The following FBN2 variants were observed in gnomAD, a reference collection of about 807,000 sequenced individuals.
The protein encoded by FBN2 is fibrillin 2.
A neutral mutation model predicts 355.6 loss-of-function variants in FBN2; 105 were observed. That is an observed-to-expected ratio of 0.30 (90% CI 0.25 to 0.35). The LOEUF is 0.35. FBN2 is among the 10% of genes least tolerant of loss of function. FBN2 has a pLI of 1.00. For synonymous variants in FBN2, 1,350 were observed against 1,301.2 expected, an observed-to-expected ratio of 1.04 and a Z score of -0.81; for missense variants, 3,280 against 3,758.7, an observed-to-expected ratio of 0.87 and a Z score of 3.33.
chr5:128,314,343 T>G (rs1750143132), intron 36 of FBN2, among the ~76,000 whole-genome samples: 1 of 152,208 alleles, frequency 6.6e-6, no homozygotes, highest in African/African-American at 2.4e-5. Context: ...ATTTATTTTT[T>G]GGGGACGGAG....
intron 5 of FBN2, among the ~76,000 whole-genome samples, chr5:128,466,458 T>C (rs1754712781): frequency 1.3e-5 from 2 of 152,202 alleles, no homozygotes; most frequent in Admixed American, 6.5e-5. Context: ...AAACTGTTTC[T>C]AGGAAAATCA....
intron 5 of FBN2, among the ~76,000 whole-genome samples, chr5:128,483,257 C>T (rs758748416): frequency 6.6e-6 from 1 of 152,150 alleles, no homozygotes; most frequent in Non-Finnish European, 1.5e-5. Context: ...ACCTCAGCAT[C>T]TTGCAATATA....
At position 128,393,264 on chromosome 5, in the gene FBN2, C is replaced by T. The variant is rs1173562709; in HGVS notation, c.1336G>A (p.Gly446Ser). 2 of 1,614,200 alleles carry T rather than the reference C, an allele frequency of 1.2e-6. No individual in the cohort carries two copies. The highest frequency in any genetic ancestry group is 3.3e-5 in the Admixed American group (2 of 60,034). Residue 446 changes from glycine to serine, a missense_variant, in exon 10 of 65, where the codon GGC becomes AGC. This residue lies in a region of FBN2 where 343 missense variants were observed against 331.0 expected (regional missense o/e 1.04). Coordinates refer to ENST00000262464, the MANE Select transcript of FBN2 (RefSeq NM_001999.4). ...CCTGGGCCATAGCCATTGCCATTGC[C>T]ACTTGGGGCAAAGCCATTTCCCCCA... is the stretch of plus-strand genomic sequence containing the variant. The part of the protein sequence containing the change: ...GTGGNGFAPS[G>S]NGNGYGPGGT...
intron 5 of FBN2, among the ~76,000 whole-genome samples, chr5:128,496,700 G>A (rs1316892311): frequency 3.3e-5 from 5 of 151,990 alleles, no homozygotes; most frequent in African/African-American, 1.2e-4. Flanking sequence ...GTTGGAATGA[G>A]AGAAGTAAAA....
chr5:128,375,730 G>A (rs1016606013), intron 14 of FBN2, among the ~76,000 whole-genome samples: 11 of 152,016 alleles, frequency 7.2e-5, no homozygotes, highest in African/African-American at 2.7e-4. Flanking sequence ...TCTTAAGGAA[G>A]GAAACAAAGA....
rs979641668 is a variant in FBN2, at chr5:128,448,409, C to T, written c.827-1803G>A. On this transcript the variant is annotated intron_variant, in intron 6 of 64. Transcript: ENST00000262464. ...GAAACCTCCACCTCCCAGGTTCAAG[C>T]GATTCTCCTGCCTCAGCCTTCCTGA... Among the ~76,000 whole-genome samples the T allele has an allele frequency of 2.0e-4, 30 of 151,976 alleles. 1 individual carries two copies. Among genetic ancestry groups the T allele is most frequent in the Admixed American group, 9.8e-4 (15 of 15,252 alleles).
rs1756365924 is a variant in FBN2, at chr5:128,519,253, A to C, written c.628+20T>G. On this transcript the variant is annotated intron_variant, in intron 5 of 64. Coordinates refer to ENST00000262464, the MANE Select transcript of FBN2 (RefSeq NM_001999.4). ...TAAAATAGACTTCTTCAGAAAGTAA[A>C]GTCTCATTTCTCTTCTTACCTCTTT... 3 of 1,539,490 alleles carry C rather than the reference A, an allele frequency of 1.9e-6. No individual in the cohort carries two copies. Among genetic ancestry groups the C allele is most frequent in the Non-Finnish European group, 2.7e-6 (3 of 1,112,056 alleles).
intron 36 of FBN2, among the ~76,000 whole-genome samples, chr5:128,314,180 A>G (rs1750138366): frequency 1.3e-5 from 2 of 152,168 alleles, no homozygotes; most frequent in African/African-American, 4.8e-5. Context: ...CTGGCTGCAT[A>G]TTAGAATCAT....
chr5:128,400,453 G>A (rs749027955), intron 8 of FBN2, among the ~76,000 whole-genome samples: 1 of 152,030 alleles, frequency 6.6e-6, no homozygotes, highest in Admixed American at 6.5e-5. Context: ...GACTTTTTCA[G>A]TAATAGATAT....
chr5:128,378,982 G>T, intron 11 of FBN2, 92 bp from the exon 12 acceptor site: 1 of 1,397,500 alleles, frequency 7.2e-7, no homozygotes, highest in Non-Finnish European at 1.0e-6. Context: ...TTTGAGAGAA[G>T]GCCAGTCAGT....
intron 6 of FBN2, among the ~76,000 whole-genome samples, chr5:128,456,609 T>C (rs182138810): frequency 1.6e-3 from 247 of 152,168 alleles, no homozygotes; most frequent in African/African-American, 5.7e-3. Context: ...TGCGGCTCTC[T>C]AGTCTCCTTG....
At chr5:128,508,330 C>A (rs956893718) in intron 5 of FBN2, among the ~76,000 whole-genome samples, 2 of 151,930 alleles carry the variant, frequency 1.3e-5, no homozygotes, top group African/African-American at 4.8e-5. Flanking sequence ...ATCCATTAAT[C>A]ATTTGTTCTT....
intron 2 of FBN2, among the ~76,000 whole-genome samples, chr5:128,535,249 C>G (rs1016544153): frequency 7.2e-5 from 11 of 152,300 alleles, no homozygotes; most frequent in Admixed American, 6.5e-4. Flanking sequence ...AGAAATTAGT[C>G]TTTATGACAC....
In FBN2 at chr5:128,362,710, G is replaced by A. The variant is rs1011271966; in HGVS notation, c.2429-862C>T. ...GAACTTCTGGCCTCAGGTGATTCTC[G>A]CAGCTTGGTCTCCCAAAGTGCTGGG... is the stretch of plus-strand genomic sequence containing the variant. On this transcript the variant is annotated intron_variant, in intron 18 of 64. Coordinates refer to ENST00000262464, the MANE Select transcript of FBN2 (RefSeq NM_001999.4). 6.6e-5 allele frequency among the ~76,000 whole-genome samples: 10 copies of A among 152,218 alleles called. No individual in the cohort carries two copies. In the East Asian group the frequency reaches 9.7e-4, roughly 15 times the overall value.
chr5:128,371,456 C>CTCCT (rs58112302), intron 15 of FBN2, among the ~76,000 whole-genome samples: 437 of 147,114 alleles, frequency 3.0e-3, no homozygotes, highest in East Asian at 7.4e-3. Context: ...TTCTCTTTTT[C>CTCCT]TCCTTCCTTC....
chr5:128,338,759 C>T (rs1014984558), intron 26 of FBN2, among the ~76,000 whole-genome samples, 174 bp downstream of exon 26: 17 of 152,296 alleles, frequency 1.1e-4, no homozygotes, highest in Admixed American at 9.8e-4. Context: ...TGGGGCTCCC[C>T]GAGAGCTATC....
At chr5:128,312,598 GT>G in intron 37 of FBN2, 35 bp downstream of exon 37, 1 of 1,611,356 alleles carries the variant, frequency 6.2e-7, no homozygotes, top group Non-Finnish European at 8.5e-7. Context: ...TTAGATACCA[GT>G]TGGTTTTCTT....
At position 128,374,731 on chromosome 5, in the gene FBN2, G is replaced by A. The variant is rs781368120; in HGVS notation, c.1992C>T (p.Thr664=). Residue 664 remains threonine, a synonymous_variant, in exon 15 of 65, where the codon ACC becomes ACT. Transcript: ENST00000262464. ...RYCTDVDECQ[T]PGICMNGHCI... Reference sequence around the variant, plus strand: ...AGTGCCCATTCATGCAGATTCCTGGGGTCTGGCATTCATCAACATCTGTGC... The same window carrying A: ...AGTGCCCATTCATGCAGATTCCTGGAGTCTGGCATTCATCAACATCTGTGC... The A allele has an allele frequency of 3.1e-6, 5 of 1,613,860 alleles. No homozygotes were observed. The highest frequency in any genetic ancestry group is 4.2e-6 in the Non-Finnish European group (5 of 1,179,876).
At chr5:128,412,240 C>T (rs1022883669) in intron 7 of FBN2, among the ~76,000 whole-genome samples, 2 of 152,222 alleles carry the variant, frequency 1.3e-5, no homozygotes, top group South Asian at 4.1e-4. Flanking sequence ...TGTTCAGTTT[C>T]TGTGAGATAT....
Sources: gnomAD v4.1 joint callset for allele counts (sites outside exome capture counted in the v4.1 genomes callset) on GRCh38, gnomAD v4.1.1 for gene constraint, gnomAD v4.1.1 regional missense constraint, MANE v1.5 for transcripts, NCBI Gene and HGNC (gene_info 2026-07-23, HGNC 2026-07-21) for gene names.